The following PSD3 variants were observed in gnomAD, a reference collection of about 807,000 sequenced individuals.
PSD3 encodes the protein PH and SEC7 domain-containing protein 3.
A neutral mutation model predicts 105.5 loss-of-function variants in PSD3; 49 were observed. The observed-to-expected ratio is 0.46, with a 90% CI of 0.37 to 0.59. The LOEUF (loss-of-function observed/expected upper bound fraction) is 0.59. Among genes scored for constraint, PSD3 ranks in the 20% least tolerant of loss-of-function variants. The pLI is 0.00. For synonymous variants in PSD3, 557 were observed against 457.8 expected, an observed-to-expected ratio of 1.22 and a Z score of -2.77; for missense variants, 1,561 against 1,263.8, an observed-to-expected ratio of 1.24 and a Z score of -3.57.
At chr8:18,601,788 T>C (rs541921497) in intron 11 of PSD3, among the ~76,000 whole-genome samples, 6 of 152,200 alleles carry the variant, frequency 3.9e-5, no homozygotes, top group East Asian at 1.9e-4. Flanking sequence ...ATTCACTACA[T>C]TGTTCAATAG....
At chr8:18,624,519 C>T (rs1217506472) in intron 11 of PSD3, among the ~76,000 whole-genome samples, 28 of 112,546 alleles carry the variant, frequency 2.5e-4, no homozygotes, top group Admixed American at 2.6e-4. Flanking sequence ...GGGAACATCA[C>T]ACTCTGGGGA....
chr8:18,808,688 G>C (rs1396262640), intron 4 of PSD3: 3 of 1,598,600 alleles, frequency 1.9e-6, no homozygotes, highest in Non-Finnish European at 2.6e-6. Flanking sequence ...GAGATTATTT[G>C]AACAAGAACC....
intron 2 of PSD3, among the ~76,000 whole-genome samples, chr8:18,876,719 C>T (rs1345269052): frequency 6.6e-6 from 1 of 152,028 alleles, no homozygotes; most frequent in Non-Finnish European, 1.5e-5. Flanking sequence ...TTGTTATTCT[C>T]TTCTATATAT....
chr8:18,905,229 T>C (rs1478957438), intron 2 of PSD3, among the ~76,000 whole-genome samples: 1 of 152,128 alleles, frequency 6.6e-6, no homozygotes, highest in Admixed American at 6.5e-5. Flanking sequence ...TATTAAATTA[T>C]TTCCCCCTCT....
At chr8:18,582,946 C>A (rs1350689555) in intron 12 of PSD3, among the ~76,000 whole-genome samples, 1 of 151,540 alleles carries the variant, frequency 6.6e-6, no homozygotes, top group African/African-American at 2.4e-5. Context: ...CTGCCTCAGA[C>A]TCCTGAGTAG....
chr8:18,936,795 C>T lies in PSD3; in HGVS notation c.22-653G>A, dbSNP rs567233082. On this transcript the variant is annotated intron_variant, in intron 1 of 15. Transcript: ENST00000327040. ...AAGAAAACTGTATTTTGTTTTTAAA[C>T]ACATCATTTTCCAACTGATTATCAT... Among the ~76,000 whole-genome samples, 5 of 151,434 alleles carry T rather than the reference C, an allele frequency of 3.3e-5. No individual in the cohort carries two copies. In the South Asian group the frequency reaches 8.4e-4, roughly 25 times the overall value.
intron 4 of PSD3, among the ~76,000 whole-genome samples, chr8:18,814,173 G>A (rs951560531): frequency 1.3e-5 from 2 of 152,208 alleles, no homozygotes; most frequent in South Asian, 4.1e-4. Flanking sequence ...CTATTTCTCT[G>A]TTCAGCACAG....
At chr8:18,722,336 C>T (rs1307921533) in intron 9 of PSD3, among the ~76,000 whole-genome samples, 1 of 152,038 alleles carries the variant, frequency 6.6e-6, no homozygotes, top group Non-Finnish European at 1.5e-5. Context: ...CTTTTTAGAG[C>T]TGGCAAATAG....
intron 1 of PSD3, among the ~76,000 whole-genome samples, chr8:19,055,530 G>C (rs764321860): frequency 6.6e-6 from 1 of 152,232 alleles, no homozygotes; most frequent in Non-Finnish European, 1.5e-5. Context: ...TGGGATTACA[G>C]GCGTGAGCCA....
chr8:18,769,642 C>T (rs1807325059), intron 8 of PSD3, among the ~76,000 whole-genome samples: 1 of 152,186 alleles, frequency 6.6e-6, no homozygotes, highest in African/African-American at 2.4e-5. Context: ...TCTTCCACCA[C>T]CCTCACTAGG....
Position 18,872,677 on chromosome 8 carries a change from A to G in PSD3, c.187T>C (p.Tyr63His), listed in dbSNP as rs1357682624. 1.3e-6 allele frequency: 2 copies of G among 1,593,732 alleles called. No individual in the cohort carries two copies. The highest frequency in any genetic ancestry group is 8.5e-7 in the Non-Finnish European group (1 of 1,172,982). Residue 63 changes from tyrosine (Y) to histidine (H), a missense_variant, in exon 3 of 16, where the codon TAT (tyrosine) becomes CAT (histidine). Transcript: ENST00000327040. ...PPNVTNEFPE[Y>H]GTMEEGGEGL... ...TCTCCACCTTCCTCCATGGTCCCAT[A>G]TTCTGGAAATTCATTTGTGACATTT...
At chr8:18,783,818 A>G (rs1438643011) in intron 8 of PSD3, among the ~76,000 whole-genome samples, 2 of 152,186 alleles carry the variant, frequency 1.3e-5, no homozygotes, top group Non-Finnish European at 2.9e-5. Flanking sequence ...ATTCTGAAGT[A>G]GAGATGGCAT....
chr8:18,684,089 C>G, intron 9 of PSD3: 1 of 578,834 alleles, frequency 1.7e-6, no homozygotes. Flanking sequence ...GCTGCCTCCC[C>G]CAGCATCTTC....
intron 9 of PSD3, among the ~76,000 whole-genome samples, chr8:18,739,982 T>C (rs1179970033): frequency 6.6e-6 from 1 of 152,166 alleles, no homozygotes; most frequent in Non-Finnish European, 1.5e-5. Context: ...TAATATAATA[T>C]CAAATCTGGG....
chr8:18,771,253 T>A lies in PSD3; in HGVS notation c.2083-5715A>T, dbSNP rs190644315. On this transcript the variant is annotated intron_variant, in intron 8 of 15. Coordinates refer to ENST00000327040, the MANE Select transcript of PSD3 (RefSeq NM_015310.4). ...TAAGTTCTCACTTTGGGCCACCGCATCAGGCTTTTCAGCTTGAGGGTGCAG... is the reference window on the plus strand; with the variant it reads ...TAAGTTCTCACTTTGGGCCACCGCAACAGGCTTTTCAGCTTGAGGGTGCAG... Among the ~76,000 whole-genome samples the A allele has an allele frequency of 4.2e-3, 633 of 152,236 alleles. 3 individuals carry two copies. Among genetic ancestry groups the A allele is most frequent in the Non-Finnish European group, 6.3e-3 (430 of 68,028 alleles).
chr8:18,661,809 A>C (rs1485813047), intron 9 of PSD3, among the ~76,000 whole-genome samples: 1 of 152,214 alleles, frequency 6.6e-6, no homozygotes, highest in Non-Finnish European at 1.5e-5. Context: ...GGAGAAGTAC[A>C]TACAGAAGAT....
intron 15 of PSD3, among the ~76,000 whole-genome samples, chr8:18,537,874 G>T (rs867966532): frequency 6.6e-6 from 1 of 152,024 alleles, no homozygotes; most frequent in Non-Finnish European, 1.5e-5. Context: ...ATGGGGTTTC[G>T]CCATGTTGGC....
chr8:18,833,188 A>G (rs1813815231), intron 4 of PSD3, among the ~76,000 whole-genome samples: 1 of 152,250 alleles, frequency 6.6e-6, no homozygotes, highest in South Asian at 2.1e-4. Context: ...GAGGACCAGG[A>G]GCAGGAAAGC....
At chr8:18,556,493 C>G (rs957658819) in intron 14 of PSD3, 141 bp from the exon 15 acceptor site, 1 of 845,794 alleles carries the variant, frequency 1.2e-6, no homozygotes, top group African/African-American at 1.7e-5. Context: ...CCACATCCTT[C>G]CAGCTTTCTC....
Sources: allele counts gnomAD v4.1 joint callset (sites outside exome capture counted in the v4.1 genomes callset), GRCh38; gene constraint gnomAD v4.1.1; transcripts MANE v1.5; gene names NCBI Gene and HGNC (gene_info 2026-07-23, HGNC 2026-07-21).